The following NUP35 variants were observed in gnomAD, a reference collection of about 807,000 sequenced individuals.
NUP35 encodes the protein nucleoporin 35.
A neutral mutation model predicts 41.5 loss-of-function variants in NUP35; 25 were observed. The observed-to-expected ratio is 0.60, with a 90% CI of 0.44 to 0.84. The LOEUF is 0.84. Ranked by LOEUF, NUP35 falls within the 40% of genes least tolerant of loss-of-function variation. NUP35 has a pLI of 0.00. For synonymous variants in NUP35, 149 were observed against 130.7 expected (o/e 1.14, Z -0.96); for missense variants, 396 against 396.6 (o/e 1.00, Z 0.01).
intron 3 of NUP35, among the ~76,000 whole-genome samples, chr2:183,131,935 T>C (rs1684709347): frequency 6.6e-6 from 1 of 152,152 alleles, no homozygotes; most frequent in Non-Finnish European, 1.5e-5. Context: ...TAGTTTGGTA[T>C]GAAGGCTGGG....
rs772318559 is a variant in NUP35 at position 183,161,073 on chromosome 2, C to T, written c.923C>T (p.Thr308Met). The change falls in exon 9 of 9, where the codon ACG becomes ATG. Residue 308 changes from threonine to methionine, a missense_variant. Coordinates refer to ENST00000295119, the MANE Select transcript of NUP35 (RefSeq NM_138285.5). Reference protein sequence around the residue: ...SDYQVISDRQTPKKDESLVSK... With the variant: ...SDYQVISDRQMPKKDESLVSK... ...TAATAGGTTATTTCTGACAGACAAA[C>T]GCCAAAAAAAGATGAAAGTCTTGTA... 2.8e-5 allele frequency: 45 copies of T among 1,611,450 alleles called. No individual in the cohort carries two copies. The highest frequency in any genetic ancestry group is 3.5e-5 in the Non-Finnish European group (41 of 1,178,496).
At chr2:183,146,216 A>G (rs553702013) in intron 4 of NUP35, among the ~76,000 whole-genome samples, 3 of 152,264 alleles carry the variant, frequency 2.0e-5, no homozygotes, top group East Asian at 1.9e-4. Context: ...AGCCTGGGCA[A>G]TAGAGTGAGA....
chr2:183,144,459 CAA>C (rs1415417313), intron 4 of NUP35, among the ~76,000 whole-genome samples: 1 of 152,134 alleles, frequency 6.6e-6, no homozygotes, highest in Non-Finnish European at 1.5e-5. Context: ...CTCTTTTTTC[CAA>C]GTTTCATTTG....
intron 4 of NUP35, among the ~76,000 whole-genome samples, chr2:183,141,457 G>C (rs1161364879): frequency 6.6e-6 from 1 of 152,064 alleles, no homozygotes; most frequent in Non-Finnish European, 1.5e-5. Context: ...TTTTAATTTT[G>C]CTATATTTCT....
At chr2:183,158,991 C>T (rs769103315) in intron 7 of NUP35, among the ~76,000 whole-genome samples, 2 of 152,048 alleles carry the variant, frequency 1.3e-5, no homozygotes, top group Admixed American at 6.5e-5. Flanking sequence ...ACATTCCAGG[C>T]ATTGTGCTTG....
upstream of NUP35, among the ~76,000 whole-genome samples, chr2:183,119,529 G>A (rs1006223680): frequency 6.6e-5 from 10 of 152,176 alleles, no homozygotes; most frequent in African/African-American, 2.2e-4. Context: ...GCAAATTGGG[G>A]TGGAAAGCTA....
chr2:183,155,606 C>G (rs1180461576), intron 5 of NUP35, among the ~76,000 whole-genome samples: 2 of 133,534 alleles, frequency 1.5e-5, no homozygotes, highest in Non-Finnish European at 3.1e-5. Flanking sequence ...GACAATCTCT[C>G]TGTTATCTAG....
Position 183,161,364 on chromosome 2 carries a change from C to T in NUP35, c.*233C>T, listed in dbSNP as rs1685872145. 6.0e-6 allele frequency: 2 copies of T among 335,534 alleles called. No homozygotes were observed. The highest frequency in any genetic ancestry group is 4.1e-5 in the African/African-American group (2 of 48,216). 20.8% of individuals were successfully genotyped at this position (335,534 alleles called of 1,614,324 possible). A position where few individuals can be genotyped will look rare whatever the true frequency, so the allele number is the denominator to read the frequency against. ...CCCTGTAAATAGGATTTTGTGCTTTCTGTAACAGTGCATGCTTCAGCACAG... is the reference window on the plus strand; with the variant it reads ...CCCTGTAAATAGGATTTTGTGCTTTTTGTAACAGTGCATGCTTCAGCACAG... On this transcript the variant is annotated 3_prime_UTR_variant, in exon 9 of 9. Coordinates refer to ENST00000295119, the MANE Select transcript of NUP35 (RefSeq NM_138285.5).
upstream of NUP35, chr2:183,124,244 AC>A (rs1440400540): frequency 1.6e-6 from 2 of 1,287,512 alleles, no homozygotes; most frequent in African/African-American, 3.0e-5. Context: ...CTGGTTCGCC[AC>A]CTTCCCGGTG....
intron 4 of NUP35, among the ~76,000 whole-genome samples, chr2:183,144,190 A>G (rs998321768): frequency 1.3e-5 from 2 of 152,322 alleles, no homozygotes; most frequent in South Asian, 2.1e-4. Context: ...CTTCCTTTCC[A>G]TTGTCTTCAG....
At chr2:183,133,905 G>A (rs1684786209) in intron 4 of NUP35, among the ~76,000 whole-genome samples, 1 of 152,014 alleles carries the variant, frequency 6.6e-6, no homozygotes, top group South Asian at 2.1e-4. Flanking sequence ...AGGTATGGTG[G>A]GGTGAATATT....
chr2:183,143,598 T>C (rs1054906560), intron 4 of NUP35, among the ~76,000 whole-genome samples: 2 of 152,212 alleles, frequency 1.3e-5, no homozygotes, highest in African/African-American at 2.4e-5. Context: ...TTGAGCTGTT[T>C]AGGTTCCTTT....
chr2:183,130,317 T>C lies in NUP35; in HGVS notation c.212-101T>C, dbSNP rs77611849. ...CAGCATATTAAAGTTTGAAAAGAAC[T>C]AACAGACAAGATTTTAAGTCAGTAT... On this transcript the variant is annotated intron_variant, in intron 2 of 8. Transcript: ENST00000295119. 8.8e-3 allele frequency: 10,970 copies of C among 1,252,370 alleles called. 508 individuals are homozygous for C. In the African/African-American group the frequency reaches 0.12, roughly 14 times the overall value. 77.6% of individuals were successfully genotyped at this position (1,252,370 alleles called of 1,614,324 possible).
upstream of NUP35, among the ~76,000 whole-genome samples, chr2:183,122,432 T>C (rs529192151): frequency 6.6e-6 from 1 of 152,338 alleles, no homozygotes; most frequent in Non-Finnish European, 1.5e-5. Context: ...TCTTTTCTCT[T>C]TCTCTGCATC....
intron 4 of NUP35, 85 bp downstream of exon 4, chr2:183,133,708 C>T (rs1575117534): frequency 2.3e-5 from 19 of 844,042 alleles, no homozygotes; most frequent in East Asian, 3.2e-5. Context: ...GGTGTGATCA[C>T]GGAGTAAACA....
At chr2:183,153,670 C>T (rs1393988583) in intron 5 of NUP35, among the ~76,000 whole-genome samples, 1 of 152,176 alleles carries the variant, frequency 6.6e-6, no homozygotes, top group Non-Finnish European at 1.5e-5. Flanking sequence ...AGGGTACAGC[C>T]TCCCTCCTGG....
intron 4 of NUP35, among the ~76,000 whole-genome samples, chr2:183,140,416 T>G (rs1685049088): frequency 6.6e-6 from 1 of 152,210 alleles, no homozygotes; most frequent in South Asian, 2.1e-4. Flanking sequence ...ATAATCTTAT[T>G]TTTAATTAGT....
chr2:183,151,459 A>T (rs1685466093), intron 4 of NUP35, 49 bp from the exon 5 acceptor site: 1 of 1,555,942 alleles, frequency 6.4e-7, no homozygotes, highest in East Asian at 2.3e-5. Context: ...ATTTAGAATC[A>T]ATCGAGGTGT....
Position 183,153,068 on chromosome 2 carries a change from A to G in NUP35, c.539+1419A>G, listed in dbSNP as rs372387103. On this transcript the variant is annotated intron_variant, in intron 5 of 8. Coordinates refer to ENST00000295119, the MANE Select transcript of NUP35 (RefSeq NM_138285.5). ...AAAATGAGGAAGAAGCAAAAGCGGAAGCCCCTGATAAACCCATCAGATCTC... is the reference window on the plus strand; with the variant it reads ...AAAATGAGGAAGAAGCAAAAGCGGAGGCCCCTGATAAACCCATCAGATCTC... 3.7e-4 allele frequency among the ~76,000 whole-genome samples: 56 copies of G among 152,324 alleles called. No homozygotes were observed. The East Asian group carries it at 4.0e-3, about 11-fold the overall frequency.
Sources: gnomAD v4.1 joint callset for allele counts (sites outside exome capture counted in the v4.1 genomes callset) on GRCh38, gnomAD v4.1.1 for gene constraint, MANE v1.5 for transcripts, NCBI Gene and HGNC (gene_info 2026-07-23, HGNC 2026-07-21) for gene names.